Variants in ADGRL2 observed in about 807,000 individuals in gnomAD.
ADGRL2 encodes the protein adhesion G protein-coupled receptor L2, also known as calcium-independent alpha-latrotoxin receptor 2.
Under a neutral mutation model 157.4 loss-of-function variants are expected in ADGRL2, and 44 were observed. The ratio of observed to expected loss-of-function variants is 0.28; its 90% CI spans 0.22 to 0.36. The LOEUF is 0.36. Ranked by LOEUF, ADGRL2 falls within the 10% of genes least tolerant of loss-of-function variation. ADGRL2 has a pLI of 1.00. For missense variants in ADGRL2, 1,510 were observed against 1,768.9 expected (o/e 0.85, Z 2.63); for synonymous variants, 585 against 624.7 (o/e 0.94, Z 0.95).
intron 2 of ADGRL2, among the ~76,000 whole-genome samples, chr1:81,868,060 G>GTGGTGT (rs1553173773): frequency 9.6e-5 from 14 of 145,560 alleles, no homozygotes; most frequent in African/African-American, 3.0e-4. Flanking sequence ...GTGTGTGTGT[G>GTGGTGT]GTGTGTGTGT....
chr1:81,403,556 G>A lies in ADGRL2; in HGVS notation c.-301-41480G>A, dbSNP rs113841398. ...GCTGGGATTACAGCCATGAGTCACC[G>A]TGCCTGGCCATAACACTTTTTCTTT... On this transcript the variant is annotated intron_variant, in intron 1 of 24. Coordinates refer to the ADGRL2 transcript ENST00000370721. Among the ~76,000 whole-genome samples, 94 of 151,720 alleles carry A rather than the reference G, an allele frequency of 6.2e-4. 3 individuals are homozygous for A. Among genetic ancestry groups the A allele is most frequent in the Middle Eastern group, 6.8e-3 (2 of 294 alleles).
chr1:81,583,575 C>T lies in ADGRL2; in HGVS notation c.-143+2595C>T, dbSNP rs191615690. On this transcript the variant is annotated intron_variant, in intron 3 of 24. Coordinates refer to the ADGRL2 transcript ENST00000370721. ...TTACGTTTACTTATTTTACTCTTCA[C>T]GTTGGTTGCAAAGCTCCTCCCCATT... Among the ~76,000 whole-genome samples the T allele has an allele frequency of 2.2e-3, 328 of 152,164 alleles. 3 individuals carry two copies. Among genetic ancestry groups the T allele is most frequent in the African/African-American group, 7.2e-3 (300 of 41,554 alleles).
intron 3 of ADGRL2, among the ~76,000 whole-genome samples, chr1:81,933,086 A>G (rs769563575): frequency 1.3e-5 from 2 of 152,176 alleles, no homozygotes; most frequent in Admixed American, 6.5e-5. Context: ...TGCTTTCACT[A>G]TCTTAAGTCA....
intron 17 of ADGRL2, 65 bp downstream of exon 17, chr1:81,971,983 A>G: frequency 2.0e-6 from 2 of 1,020,838 alleles, no homozygotes; most frequent in Non-Finnish European, 3.0e-6. Context: ...TCAAACAAGG[A>G]TAATTTGTTT....
chr1:81,991,019 G>A lies in ADGRL2; in HGVS notation c.4284G>A (p.Gln1428=), dbSNP rs776418253. The part of the protein sequence containing the change: ...KSMPNLGAGH[Q]LQMCYQISRG... Reference sequence around the variant, plus strand: ...TGCCAAATCTTGGAGCTGGCCATCAGCTTCAGATGTGCTACCAGATCAGCA... The same window carrying A: ...TGCCAAATCTTGGAGCTGGCCATCAACTTCAGATGTGCTACCAGATCAGCA... Residue 1428 remains glutamine (Q), a synonymous_variant, in exon 24 of 24, where the codon CAG becomes CAA. Transcript: ENST00000686636. 1 of 1,614,014 alleles carries A rather than the reference G, an allele frequency of 6.2e-7. No homozygotes were observed. Among genetic ancestry groups the A allele is most frequent in the South Asian group, 1.1e-5 (1 of 91,084 alleles).
chr1:81,365,526 G>T (rs114655838), intron 1 of ADGRL2, among the ~76,000 whole-genome samples: 5,349 of 152,074 alleles, frequency 0.035, 119 homozygotes, highest in Middle Eastern at 0.1. Flanking sequence ...TTTCTATCAA[G>T]ACTTAAAAAA....
At chr1:81,663,141 G>A (rs952821785) in intron 3 of ADGRL2, among the ~76,000 whole-genome samples, 11 of 137,482 alleles carry the variant, frequency 8.0e-5, no homozygotes, top group Non-Finnish European at 1.5e-4. Flanking sequence ...ATCTGACCAA[G>A]AAAGCTTCTT....
intron 3 of ADGRL2, among the ~76,000 whole-genome samples, chr1:81,634,046 C>G (rs571127543): frequency 2.6e-5 from 4 of 152,200 alleles, no homozygotes; most frequent in African/African-American, 9.6e-5. Flanking sequence ...CAGGCCCAAG[C>G]CCTGGAGCAC....
At chr1:81,848,280 T>C (rs1006434347) in intron 2 of ADGRL2, among the ~76,000 whole-genome samples, 1 of 151,840 alleles carries the variant, frequency 6.6e-6, no homozygotes, top group Non-Finnish European at 1.5e-5. Context: ...GACTCCTATA[T>C]AGGTACCTGA....
Position 81,629,269 on chromosome 1 carries a change from T to C in ADGRL2, c.-143+48289T>C, listed in dbSNP as rs995627514. On this transcript the variant is annotated intron_variant, in intron 3 of 24. Transcript: ENST00000370721. ...GAGGAAGATGATAATACCATGCATA[T>C]GGCAGTTAAATATATTTTTCCTTAG... is the stretch of plus-strand genomic sequence containing the variant. 3.3e-5 allele frequency among the ~76,000 whole-genome samples: 5 copies of C among 152,186 alleles called. No homozygotes were observed. The East Asian group carries it at 5.8e-4, about 18-fold the overall frequency.
intron 1 of ADGRL2, chr1:81,427,524 G>A (rs57244725): frequency 1.3e-5 from 10 of 749,512 alleles, no homozygotes; most frequent in Admixed American, 5.1e-5. Flanking sequence ...CCATGTAAGG[G>A]GGCAGTTTTG....
At chr1:81,443,661 G>A (rs2077549429) in intron 1 of ADGRL2, among the ~76,000 whole-genome samples, 2 of 152,266 alleles carry the variant, frequency 1.3e-5, no homozygotes, top group East Asian at 1.9e-4. Context: ...AAATGAGCAG[G>A]AGCGTAGTAA....
At chr1:81,972,995 C>A (rs1659195562) in intron 17 of ADGRL2, among the ~76,000 whole-genome samples, 1 of 150,784 alleles carries the variant, frequency 6.6e-6, no homozygotes, top group African/African-American at 2.4e-5. Context: ...ATAAATACTT[C>A]CTATTTTAAG....
chr1:81,675,729 G>A (rs893517419), intron 3 of ADGRL2, among the ~76,000 whole-genome samples: 5 of 151,770 alleles, frequency 3.3e-5, no homozygotes, highest in Admixed American at 2.6e-4. Context: ...TTACAGGCGT[G>A]TGCCATCACA....
At chr1:81,375,837 A>G (rs1208182703) in intron 1 of ADGRL2, among the ~76,000 whole-genome samples, 1 of 152,022 alleles carries the variant, frequency 6.6e-6, no homozygotes, top group Non-Finnish European at 1.5e-5. Flanking sequence ...GCTATGGTTC[A>G]TCGCTTGGAT....
chr1:81,547,436 C>G (rs2080045032), intron 2 of ADGRL2, among the ~76,000 whole-genome samples: 1 of 152,138 alleles, frequency 6.6e-6, no homozygotes, highest in African/African-American at 2.4e-5. Flanking sequence ...TTGGTGAAAA[C>G]TGGAGAAGCT....
intron 1 of ADGRL2, among the ~76,000 whole-genome samples, chr1:81,731,136 A>G (rs1184082108): frequency 2.0e-5 from 3 of 152,320 alleles, no homozygotes; most frequent in African/African-American, 2.4e-5. Flanking sequence ...TGTCTGAGCT[A>G]GCCTCCCTCC....
intron 2 of ADGRL2, among the ~76,000 whole-genome samples, chr1:81,784,904 A>G (rs1271878127): frequency 6.6e-6 from 1 of 152,170 alleles, no homozygotes; most frequent in Non-Finnish European, 1.5e-5. Flanking sequence ...TTATGAATTA[A>G]CTATATCTTT....
chr1:81,649,081 A>G (rs1345331076), intron 3 of ADGRL2, among the ~76,000 whole-genome samples: 2 of 152,128 alleles, frequency 1.3e-5, no homozygotes, highest in African/African-American at 4.8e-5. Context: ...CTAAATACCC[A>G]AAGAAAGGAA....
Sources: allele counts gnomAD v4.1 joint callset (sites outside exome capture counted in the v4.1 genomes callset), GRCh38; gene constraint gnomAD v4.1.1; transcripts MANE v1.5; gene names NCBI Gene and HGNC (gene_info 2026-07-23, HGNC 2026-07-21).